The following ZNF800 variants were observed in gnomAD, a reference collection of about 807,000 sequenced individuals.
ZNF800 encodes the protein zinc finger protein 800.
ZNF800 carries 13 observed loss-of-function variants against 59.5 expected under a neutral mutation model. The ratio of observed to expected loss-of-function variants is 0.22; its 90% CI spans 0.14 to 0.35. The LOEUF is 0.35. Ranked by LOEUF, ZNF800 falls within the 10% of genes least tolerant of loss-of-function variation. The pLI is 1.00. For synonymous variants in ZNF800, 266 were observed against 265.7 expected (o/e 1.00, Z -0.01); for missense variants, 621 against 783.7 (o/e 0.79, Z 2.48).
intron 1 of ZNF800, chr7:127,361,814 C>A (rs1019938939): frequency 3.3e-5 from 5 of 152,044 alleles, no homozygotes; most frequent in African/African-American, 1.2e-4. Flanking sequence ...TAAATATAAT[C>A]TATTCTTGAT....
Position 127,391,554 on chromosome 7 carries a change from G to A in ZNF800, c.4C>T (p.Pro2Ser), listed in dbSNP as rs767960209. Residue 2 changes from proline (P) to serine (S), a missense_variant, in exon 2 of 6, where the codon CCT becomes TCT. By Grantham distance (74) the Pro-to-Ser change is moderately conservative (BLOSUM62 -1). Transcript: ENST00000265827. M[P>S]LRDKYCQTDH... ...GTCTGACAGTATTTGTCCCTTAAAG[G>A]CATTTTCAGTGGACTCGACCTACTT... 2.3e-5 allele frequency: 37 copies of A among 1,614,084 alleles called. No individual in the cohort carries two copies. The highest frequency in any genetic ancestry group is 3.1e-5 in the Non-Finnish European group (36 of 1,179,966).
At position 127,374,442 on chromosome 7, in the gene ZNF800, T is replaced by C. The variant is rs1800727391; in HGVS notation, c.894A>G (p.Thr298=). 1 of 1,614,094 alleles carries C rather than the reference T, an allele frequency of 6.2e-7. No individual in the cohort carries two copies. The highest frequency in any genetic ancestry group is 2.2e-5 in the East Asian group (1 of 44,860). ...CAAAATGCCTCCTTACATTCGCTTT[T>C]GTAGCAAATGATTTACAACATACTG... The part of the protein sequence containing the change: ...SCPVCCKSFA[T]KANVRRHFDE... Residue 298 remains threonine, a synonymous_variant, in exon 5 of 6, where the codon ACA becomes ACG. Coordinates refer to ENST00000265827, the MANE Select transcript of ZNF800 (RefSeq NM_176814.5).
chr7:127,373,301 G>A (rs766741002), intron 5 of ZNF800, 41 bp downstream of exon 5: 15 of 1,528,034 alleles, frequency 9.8e-6, no homozygotes, highest in South Asian at 5.3e-5. Context: ...TTTTTAGTTC[G>A]ATGGGGGGAA....
At chr7:127,346,784 G>A (rs951992), downstream of ZNF800, 94,593 of 152,294 alleles carry the variant, frequency 0.62, 29,798 homozygotes, top group East Asian at 0.86. Context: ...AAGCAGGAGC[G>A]GGGAAGGGAG....
chr7:127,355,940 C>T (rs1255300416), intron 1 of ZNF800, among the ~76,000 whole-genome samples: 1 of 151,810 alleles, frequency 6.6e-6, no homozygotes, highest in East Asian at 1.9e-4. Context: ...CTTGCAGGTA[C>T]CTAATATTAT....
At chr7:127,357,132 G>A (rs553348920) in intron 1 of ZNF800, among the ~76,000 whole-genome samples, 1 of 152,004 alleles carries the variant, frequency 6.6e-6, no homozygotes, top group African/African-American at 2.4e-5. Context: ...GGTACGTGGT[G>A]GTAAATAGGC....
At chr7:127,352,559 G>A (rs919553297) in intron 1 of ZNF800, among the ~76,000 whole-genome samples, 3 of 152,194 alleles carry the variant, frequency 2.0e-5, no homozygotes, top group African/African-American at 7.2e-5. Flanking sequence ...GCTGAGAGCT[G>A]ATTCAATGCT....
intron 5 of ZNF800, chr7:127,372,596 A>G: frequency 1.0e-6 from 1 of 982,776 alleles, no homozygotes; most frequent in South Asian, 4.7e-5. Flanking sequence ...CTATGTTAAA[A>G]TGATCACCAA....
downstream of ZNF800, among the ~76,000 whole-genome samples, chr7:127,369,015 G>A (rs1800571036): frequency 1.4e-5 from 2 of 144,884 alleles, no homozygotes; most frequent in Admixed American, 7.2e-5. Context: ...TAAAGGGGAG[G>A]GGGAGGGAAT....
chr7:127,359,959 T>C (rs1322553759), intron 1 of ZNF800: 2 of 151,664 alleles, frequency 1.3e-5, no homozygotes, highest in Non-Finnish European at 2.9e-5. Flanking sequence ...AGATGGTTAT[T>C]ATTTATAGCC....
At chr7:127,371,930 C>A in intron 5 of ZNF800, 116 bp from the exon 6 acceptor site, 1 of 601,004 alleles carries the variant, frequency 1.7e-6, no homozygotes, top group Non-Finnish European at 3.0e-6. Context: ...GTTTTCCACA[C>A]AAATAAAAAA....
At chr7:127,361,022 A>C (rs931894329) in intron 1 of ZNF800, 1 of 152,150 alleles carries the variant, frequency 6.6e-6, no homozygotes, top group Non-Finnish European at 1.5e-5. Flanking sequence ...CACTCAGGAC[A>C]CAAGGACGGA....
chr7:127,350,852 G>A (rs1800155675), intron 1 of ZNF800, among the ~76,000 whole-genome samples: 1 of 152,174 alleles, frequency 6.6e-6, no homozygotes, highest in African/African-American at 2.4e-5. Flanking sequence ...CATCACAGGT[G>A]CACCAGCTGC....
chr7:127,368,966 G>A (rs888899022), downstream of ZNF800, among the ~76,000 whole-genome samples: 1 of 151,358 alleles, frequency 6.6e-6, no homozygotes, highest in African/African-American at 2.4e-5. Context: ...CTAAGAATGG[G>A]TAATGTGTAC....
intron 4 of ZNF800, among the ~76,000 whole-genome samples, chr7:127,375,925 A>C (rs182814034): frequency 5.1e-4 from 78 of 152,150 alleles, no homozygotes; most frequent in Admixed American, 2.2e-3. Flanking sequence ...AAATACTTTC[A>C]CAAAAGTATT....
In ZNF800 at chr7:127,374,025, T is replaced by G. The variant is rs775124265; in HGVS notation, c.1311A>C (p.Ser437=). ...PQNELKGTNH[S]NEKKNTPAAQ... is the part of the protein sequence containing the mutation. ...CTGCCGGTGTGTTCTTTTTTTCATTTGAATGATTTGTTCCCTTTAATTCAT... is the reference window on the plus strand; with the variant it reads ...CTGCCGGTGTGTTCTTTTTTTCATTGGAATGATTTGTTCCCTTTAATTCAT... Residue 437 remains serine (S), a synonymous_variant, in exon 5 of 6, where the codon TCA becomes TCC. Transcript: ENST00000265827. 4.3e-6 allele frequency: 7 copies of G among 1,614,034 alleles called. No individual in the cohort carries two copies. Among genetic ancestry groups the G allele is most frequent in the Non-Finnish European group, 5.9e-6 (7 of 1,180,000 alleles).
At chr7:127,358,590 T>C (rs1055686721) in intron 1 of ZNF800, among the ~76,000 whole-genome samples, 3 of 152,120 alleles carry the variant, frequency 2.0e-5, no homozygotes, top group African/African-American at 7.2e-5. Context: ...CCCTGTCTCA[T>C]ACTCCTTCCC....
At chr7:127,390,235 A>G (rs1801268428) in intron 2 of ZNF800, among the ~76,000 whole-genome samples, 1 of 152,216 alleles carries the variant, frequency 6.6e-6, no homozygotes, top group Non-Finnish European at 1.5e-5. Flanking sequence ...TCACATCTGT[A>G]TAGTTCAAAA....
Position 127,373,983 on chromosome 7 carries a change from A to C in ZNF800, c.1353T>G (p.Val451=). The change falls in exon 5 of 6, where the codon GTT becomes GTG. Residue 451 remains valine, a synonymous_variant. Coordinates refer to ENST00000265827, the MANE Select transcript of ZNF800 (RefSeq NM_176814.5). ...KNTPAAQKNK[V]KQDSESPKST... is the part of the protein sequence containing the mutation. Reference sequence around the variant, plus strand: ...ATTTAGGGCTTTCAGAGTCTTGTTTAACTTTATTTTTCTGTGCTGCCGGTG... The same window carrying C: ...ATTTAGGGCTTTCAGAGTCTTGTTTCACTTTATTTTTCTGTGCTGCCGGTG... 3 of 1,613,742 alleles carry C rather than the reference A, an allele frequency of 1.9e-6. No individual in the cohort carries two copies. The highest frequency in any genetic ancestry group is 2.5e-6 in the Non-Finnish European group (3 of 1,179,920).
Sources: allele counts gnomAD v4.1 joint callset (sites outside exome capture counted in the v4.1 genomes callset), GRCh38; gene constraint gnomAD v4.1.1; transcripts MANE v1.5; gene names NCBI Gene and HGNC (gene_info 2026-07-23, HGNC 2026-07-21).